AGBL1: variants seen among roughly 807,000 people sequenced by gnomAD.
AGBL1 encodes cytosolic carboxypeptidase 4.
A neutral mutation model predicts 118.9 loss-of-function variants in AGBL1; 130 were observed. That is an observed-to-expected ratio of 1.09 (90% confidence interval 0.95 to 1.26). The LOEUF is 1.26. AGBL1 is among the 50% of genes most tolerant of loss of function. AGBL1 has a pLI of 0.00. For missense variants in AGBL1, 1,584 were observed against 1,298.1 expected (o/e 1.22, Z -3.38); for synonymous variants, 555 against 478.9 (o/e 1.16, Z -2.08).
intron 22 of AGBL1, among the ~76,000 whole-genome samples, chr15:86,781,574 C>A (rs74025473): frequency 6.6e-6 from 1 of 152,144 alleles, no homozygotes; most frequent in Non-Finnish European, 1.5e-5. Context: ...TTACCCCACT[C>A]TTTGTATATC....
At chr15:86,577,781 A>G (rs1361235778) in intron 21 of AGBL1, among the ~76,000 whole-genome samples, 1 of 152,212 alleles carries the variant, frequency 6.6e-6, no homozygotes, top group African/African-American at 2.4e-5. Context: ...TGCAAGCCCC[A>G]AGCCTTGGCA....
In AGBL1 at chr15:86,154,509, T is replaced by C. The variant is rs2077161765; in HGVS notation, c.342T>C (p.His114=). ...TTCTGGCCAGGAAGAACCTATCCCA[T>C]GGCCAGAATCTCCTCCACTGTCTCT... ...TLILARKNLS[H]GQNLLHCLWA... Residue 114 remains histidine, a synonymous_variant, in exon 4 of 23, where the codon CAT becomes CAC. Transcript: ENST00000614907. The C allele has an allele frequency of 5.6e-6, 9 of 1,613,300 alleles. No individual in the cohort carries two copies. Among genetic ancestry groups the C allele is most frequent in the Non-Finnish European group, 7.6e-6 (9 of 1,179,602 alleles).
chr15:86,122,745 C>A (rs1898161324), intron 1 of AGBL1, among the ~76,000 whole-genome samples: 1 of 152,112 alleles, frequency 6.6e-6, no homozygotes. Flanking sequence ...CTGAGTGGAC[C>A]CTTCCTCTTG....
At chr15:87,002,760 C>G (rs1186272245) in intron 24 of AGBL1, among the ~76,000 whole-genome samples, 1 of 152,142 alleles carries the variant, frequency 6.6e-6, no homozygotes, top group Admixed American at 6.5e-5. Flanking sequence ...AGAGTTCACT[C>G]ATGATTTGGC....
intron 5 of AGBL1, among the ~76,000 whole-genome samples, chr15:86,181,643 A>G (rs539129629): frequency 1.9e-4 from 29 of 152,170 alleles, no homozygotes; most frequent in Middle Eastern, 6.8e-3. Flanking sequence ...ATCAAGTTAT[A>G]CATTTTAAAT....
At chr15:86,812,385 A>G (rs923943631) in intron 22 of AGBL1, among the ~76,000 whole-genome samples, 1 of 152,222 alleles carries the variant, frequency 6.6e-6, no homozygotes, top group Non-Finnish European at 1.5e-5. Context: ...GGGTTGAACA[A>G]CTTGCTTCCT....
rs1027445774 is a variant in AGBL1, at chr15:86,939,672, G to A, written c.3222-48315G>A. The A allele has an allele frequency of 3.9e-5, 6 of 152,202 alleles. No homozygotes were observed. In the East Asian group the frequency reaches 7.7e-4, roughly 20 times the overall value. 9.4% of individuals were successfully genotyped at this position (152,202 alleles called of 1,614,324 possible). On this transcript the variant is annotated intron_variant, in intron 23 of 24. Coordinates refer to the AGBL1 transcript ENST00000441037. Reference sequence around the variant, plus strand: ...CTTACCTCTCTCCTCAAAGGCTAACGTGATGTTTCCCTGCAGATATGCCAA... The same window carrying A: ...CTTACCTCTCTCCTCAAAGGCTAACATGATGTTTCCCTGCAGATATGCCAA...
At chr15:86,431,238 A>G (rs2081932125) in intron 18 of AGBL1, among the ~76,000 whole-genome samples, 1 of 152,222 alleles carries the variant, frequency 6.6e-6, no homozygotes, top group African/African-American at 2.4e-5. Context: ...TGTTTCTTTC[A>G]GTGTCAGTTT....
At chr15:86,841,791 G>A (rs1469355527) in intron 22 of AGBL1, among the ~76,000 whole-genome samples, 2 of 152,164 alleles carry the variant, frequency 1.3e-5, no homozygotes, top group African/African-American at 4.8e-5. Flanking sequence ...AGGTTGTGGT[G>A]AGCCAAGATG....
At chr15:87,011,299 A>G (rs1473826292) in intron 24 of AGBL1, among the ~76,000 whole-genome samples, 1 of 152,200 alleles carries the variant, frequency 6.6e-6, no homozygotes, top group East Asian at 1.9e-4. Context: ...CTCCCACACT[A>G]TCTAAATTTG....
intron 21 of AGBL1, among the ~76,000 whole-genome samples, chr15:86,560,367 T>A (rs1258092725): frequency 1.4e-5 from 2 of 144,848 alleles, no homozygotes; most frequent in Non-Finnish European, 3.0e-5. Flanking sequence ...TCAATTCCCA[T>A]CTATGAGTGA....
chr15:86,112,261 G>A (rs1897434192), intron 1 of AGBL1, among the ~76,000 whole-genome samples: 1 of 152,098 alleles, frequency 6.6e-6, no homozygotes, highest in Non-Finnish European at 1.5e-5. Context: ...AAAAAGGCTG[G>A]GGAGCTCTGC....
chr15:86,904,983 T>C (rs572508393), intron 22 of AGBL1, among the ~76,000 whole-genome samples: 15 of 145,940 alleles, frequency 1.0e-4, no homozygotes, highest in African/African-American at 2.9e-4. Context: ...ATGTTAATGA[T>C]AAAAATAAAT....
chr15:86,544,810 A>G (rs1338012153), intron 19 of AGBL1, among the ~76,000 whole-genome samples: 1 of 152,226 alleles, frequency 6.6e-6, no homozygotes, highest in African/African-American at 2.4e-5. Flanking sequence ...CCAGAGGTGA[A>G]GAAATGTACT....
At chr15:86,351,557 C>A (rs1222191771) in intron 17 of AGBL1, among the ~76,000 whole-genome samples, 3 of 152,102 alleles carry the variant, frequency 2.0e-5, no homozygotes, top group Admixed American at 1.3e-4. Flanking sequence ...AGGTTGAAGG[C>A]CACTCCTTTG....
At chr15:86,919,781 T>C (rs2080466566), downstream of AGBL1, among the ~76,000 whole-genome samples, 1 of 152,178 alleles carries the variant, frequency 6.6e-6, no homozygotes, top group South Asian at 2.1e-4. Flanking sequence ...GGTGTTGTAA[T>C]ACCTTGTGCC....
At chr15:86,249,952 A>T (rs900913231) in intron 7 of AGBL1, among the ~76,000 whole-genome samples, 3 of 152,246 alleles carry the variant, frequency 2.0e-5, no homozygotes, top group African/African-American at 7.2e-5. Flanking sequence ...AATTAAGCAC[A>T]TTAGCAAGAA....
At chr15:86,584,333 C>A (rs1229670555) in intron 21 of AGBL1, among the ~76,000 whole-genome samples, 2 of 152,018 alleles carry the variant, frequency 1.3e-5, no homozygotes, top group Non-Finnish European at 2.9e-5. Flanking sequence ...ACATTTAAAT[C>A]TTTTAATCCG....
intron 18 of AGBL1, among the ~76,000 whole-genome samples, chr15:86,451,222 G>A (rs746816862): frequency 8.5e-5 from 13 of 152,100 alleles, no homozygotes; most frequent in Admixed American, 2.0e-4. Flanking sequence ...TACTTCTTGG[G>A]CCTCCCATTG....
Sources: allele counts gnomAD v4.1 joint callset (sites outside exome capture counted in the v4.1 genomes callset), GRCh38; gene constraint gnomAD v4.1.1; transcripts MANE v1.5; gene names NCBI Gene and HGNC (gene_info 2026-07-23, HGNC 2026-07-21).